Variants in RNF213 observed in about 807,000 individuals in gnomAD.
RNF213 encodes the protein E3 ubiquitin-protein ligase RNF213.
In RNF213, 341 loss-of-function variants were observed where a neutral mutation model predicts 514.4. The ratio of observed to expected loss-of-function variants is 0.66; its 90% CI spans 0.61 to 0.73. RNF213 has a LOEUF of 0.73. Among genes scored for constraint, RNF213 ranks in the 30% least tolerant of loss-of-function variants. RNF213 has a pLI of 0.00. For missense variants in RNF213, 5,767 were observed against 6,615.6 expected (o/e 0.87, Z 4.45); for synonymous variants, 2,655 against 2,658.2 (o/e 1.00, Z 0.04).
chr17:80,382,787 G>A (rs758818414), intron 57 of RNF213, 192 bp from the exon 58 acceptor site: 10 of 547,978 alleles, frequency 1.8e-5, no homozygotes, highest in Non-Finnish European at 3.3e-5. Context: ...TTTAGAGATT[G>A]ATGTTATCTT....
At chr17:80,342,745 T>C (rs573863090) in intron 26 of RNF213, among the ~76,000 whole-genome samples, 2 of 143,964 alleles carry the variant, frequency 1.4e-5, no homozygotes, top group Non-Finnish European at 3.0e-5. Flanking sequence ...ATATATATAT[T>C]GTATGTATAT....
At chr17:80,271,643 G>T (rs906505819) in intron 2 of RNF213, among the ~76,000 whole-genome samples, 3 of 152,202 alleles carry the variant, frequency 2.0e-5, no homozygotes, top group African/African-American at 7.2e-5. Context: ...GGGTGTTTTC[G>T]TCCATTTTCT....
chr17:80,276,070 T>C (rs1159062832), intron 3 of RNF213, among the ~76,000 whole-genome samples: 1 of 150,656 alleles, frequency 6.6e-6, no homozygotes, highest in Non-Finnish European at 1.5e-5. Context: ...ACTTTATTTA[T>C]TTATTTATTT....
In RNF213 at chr17:80,347,344, G is replaced by C. The variant is rs773550228; in HGVS notation, c.9009G>C (p.Leu3003Phe). 6.2e-7 allele frequency: 1 copy of C among 1,613,970 alleles called. No individual in the cohort carries two copies. The highest frequency in any genetic ancestry group is 8.5e-7 in the Non-Finnish European group (1 of 1,180,018). Residue 3003 changes from leucine to phenylalanine, a missense_variant, in exon 29 of 68, where the codon TTG becomes TTC. By Grantham distance (22) the Leu-to-Phe change is conservative (BLOSUM62 0). Coordinates refer to ENST00000582970, the MANE Select transcript of RNF213 (RefSeq NM_001256071.3). The surrounding 1 kb of genome is among the most constrained non-coding windows in gnomAD (Gnocchi z 7.2). ...IQALDIFLAN[L>F]PEAKCSEEVS... is the part of the protein sequence containing the mutation. ...CTTTGGACATCTTTCTGGCCAATTT[G>C]CCCGAGGCCAAGTGCTCAGAGGAAG...
At chr17:80,285,547 C>T (rs2044440355) in intron 3 of RNF213, among the ~76,000 whole-genome samples, 1 of 152,214 alleles carries the variant, frequency 6.6e-6, no homozygotes, top group African/African-American at 2.4e-5. Flanking sequence ...CTCTTGCTTC[C>T]CCCTCTCAGC....
chr17:80,343,161 G>A lies in RNF213; in HGVS notation c.6019G>A (p.Asp2007Asn), dbSNP rs369925564. The A allele has an allele frequency of 6.1e-5, 98 of 1,613,988 alleles. No individual in the cohort carries two copies. In the East Asian group the frequency reaches 1.8e-3, roughly 30 times the overall value. The change falls in exon 27 of 68, where the codon GAC (aspartate) becomes AAC (asparagine). Residue 2007 changes from aspartate (D) to asparagine (N), a missense_variant. Asp to Asn is a conservative substitution (Grantham distance 23, BLOSUM62 1). Around this residue, in one of 13 missense-constraint regions of RNF213, gnomAD observed 1,377 missense variants for 1,635.2 expected, o/e 0.84. Transcript: ENST00000582970. The surrounding 1 kb of genome is among the most constrained non-coding windows in gnomAD (Gnocchi z 4.3). ...GTCTCTGTACGTGAAGAGGTTGCAC[G>A]ACAAAATGAAGATGCAGTTAAACGT... ...GKSLYVKRLH[D>N]KMKMQLNVKN...
At chr17:80,323,318 G>A (rs1168161024) in intron 17 of RNF213, among the ~76,000 whole-genome samples, 1 of 152,236 alleles carries the variant, frequency 6.6e-6, no homozygotes, top group African/African-American at 2.4e-5. Flanking sequence ...ATTGGGATGT[G>A]TGAGTCCTCC....
chr17:80,382,789 T>C, intron 57 of RNF213, 190 bp from the exon 58 acceptor site: 1 of 553,274 alleles, frequency 1.8e-6, no homozygotes, highest in Admixed American at 3.0e-5. Context: ...TAGAGATTGA[T>C]GTTATCTTCA....
intron 21 of RNF213, 85 bp from the exon 22 acceptor site, chr17:80,334,020 T>A (rs2143997897): frequency 6.7e-7 from 1 of 1,487,862 alleles, no homozygotes; most frequent in South Asian, 1.2e-5. Context: ...AGGGTGGGGC[T>A]GCTGGGACGG....
intron 17 of RNF213, chr17:80,319,709 G>A: frequency 1.4e-5 from 20 of 1,422,154 alleles, no homozygotes; most frequent in Non-Finnish European, 1.8e-5. Context: ...ATTTATGGAA[G>A]CAAAATATGT....
chr17:80,345,711 T>C lies in RNF213; in HGVS notation c.7376T>C (p.Met2459Thr), dbSNP rs577152218. 1.9e-6 allele frequency: 3 copies of C among 1,614,206 alleles called. No homozygotes were observed. Among genetic ancestry groups the C allele is most frequent in the East Asian group, 2.2e-5 (1 of 44,884 alleles). The stretch of plus-strand genomic sequence containing the variant: ...GTGCACGGAGGAACAACTGCAGACA[T>C]GATCTACTCCAGAGTCAGGGAGGCT... ...VKVHGGTTAD[M>T]IYSRVREAEN... The change falls in exon 29 of 68, where the codon ATG becomes ACG. Residue 2459 changes from methionine (M) to threonine (T), a missense_variant. By Grantham distance (81) the Met-to-Thr change is moderately conservative. Transcript: ENST00000582970. The surrounding 1 kb of genome is among the most constrained non-coding windows in gnomAD (Gnocchi z 6.0).
chr17:80,338,124 G>A, intron 25 of RNF213, 127 bp downstream of exon 25: 1 of 1,182,110 alleles, frequency 8.5e-7, no homozygotes, highest in Non-Finnish European at 1.2e-6. Context: ...TCTGCTCTTA[G>A]GCCCATGGAG....
chr17:80,268,354 G>GA (rs898719348), intron 2 of RNF213, among the ~76,000 whole-genome samples: 1,168 of 73,078 alleles, frequency 0.016, 22 homozygotes, highest in Middle Eastern at 0.021. Flanking sequence ...CCCTGTCTCA[G>GA]AAAAAAAAAA....
rs774601132 is a variant in RNF213, at chr17:80,345,511, G to T, written c.7176G>T (p.Thr2392=). ...CCCAGGCCACCGACCCCGACAAAAC[G>T]TATGAGCTCACAACCGACAATATGC... ...GIPQATDPDK[T]YELTTDNMLK... The change falls in exon 29 of 68, where the codon ACG becomes ACT. Residue 2392 remains threonine, a synonymous_variant. Transcript: ENST00000582970. This position sits in a 1 kb window ranked among gnomAD's most constrained non-coding sequence, Gnocchi z 6.0. The T allele has an allele frequency of 1.2e-6, 2 of 1,611,714 alleles. No individual in the cohort carries two copies. Among genetic ancestry groups the T allele is most frequent in the Non-Finnish European group, 1.7e-6 (2 of 1,178,040 alleles).
At chr17:80,360,840 CAG>C (rs577887784) in intron 38 of RNF213, among the ~76,000 whole-genome samples, 72 of 152,352 alleles carry the variant, frequency 4.7e-4, no homozygotes, top group African/African-American at 1.6e-3. Flanking sequence ...TTGGAAGACT[CAG>C]GGTGGCCTTC....
At chr17:80,354,988 C>A in intron 36 of RNF213, 1 of 356,286 alleles carries the variant, frequency 2.8e-6, no homozygotes, top group South Asian at 2.2e-5. Context: ...AACAGCAAAA[C>A]CAGGACCCAG....
chr17:80,392,469 G>T lies in RNF213; in HGVS notation c.15471-876G>T, dbSNP rs192635803. ...ATGTGAAGGGGCCAGCACAGGGCTT[G>T]CTCCGTGGGCTTCTGTCGTGTTTGT... is the stretch of plus-strand genomic sequence containing the variant. On this transcript the variant is annotated intron_variant, in intron 67 of 67. Coordinates refer to ENST00000582970, the MANE Select transcript of RNF213 (RefSeq NM_001256071.3). Among the ~76,000 whole-genome samples the T allele has an allele frequency of 4.8e-3, 727 of 152,326 alleles. 4 individuals are homozygous for T. The highest frequency in any genetic ancestry group is 0.017 in the African/African-American group (709 of 41,570).
chr17:80,390,192 T>A lies in RNF213; in HGVS notation c.15466T>A (p.Trp5156Arg). ...AACCGAGGAGCGCTTCCGCCCTCAG[T>A]GGAGGTATGGATTTGCACACCTATG... ...TQTEERFRPQ[W>R]SLRDTLVSYM... Residue 5156 changes from tryptophan to arginine, a missense_variant, in exon 67 of 68, where the codon TGG (tryptophan) becomes AGG (arginine). Trp to Arg is a moderately radical substitution (Grantham distance 101). Around this residue, in one of 13 missense-constraint regions of RNF213, gnomAD observed 1,245 missense variants for 1,339.0 expected, o/e 0.93. Coordinates refer to ENST00000582970, the MANE Select transcript of RNF213 (RefSeq NM_001256071.3). The A allele has an allele frequency of 6.2e-7, 1 of 1,613,978 alleles. No homozygotes were observed. The highest frequency in any genetic ancestry group is 8.5e-7 in the Non-Finnish European group (1 of 1,179,994).
rs758486635 is a variant in RNF213 at position 80,372,641 on chromosome 17, G to T, written c.12658G>T (p.Glu4220Ter). 1 of 1,614,032 alleles carries T rather than the reference G, an allele frequency of 6.2e-7. No individual in the cohort carries two copies. The highest frequency in any genetic ancestry group is 8.5e-7 in the Non-Finnish European group (1 of 1,180,018). ...AAGCCGGGGCCGAGAGCCTGCCAACGAGGCCTCGGTTGAATACCTGCAAGA... is the reference window on the plus strand; with the variant it reads ...AAGCCGGGGCCGAGAGCCTGCCAACTAGGCCTCGGTTGAATACCTGCAAGA... ...PASRGREPAN[E>*]ASVEYLQEVA... The change falls in exon 48 of 68, where the codon GAG (glutamate) becomes TAG (stop). Residue 4220 changes from glutamate to a stop codon, truncating the protein, a stop_gained. Transcript: ENST00000582970. LOFTEE classifies it high-confidence loss of function.
Sources: gnomAD v4.1 joint callset for allele counts (sites outside exome capture counted in the v4.1 genomes callset) on GRCh38, gnomAD v4.1.1 for gene constraint, gnomAD v4.1.1 regional missense constraint, Gnocchi (gnomAD v3.1) non-coding constraint, MANE v1.5 for transcripts, NCBI Gene and HGNC (gene_info 2026-07-23, HGNC 2026-07-21) for gene names.